The following MID1 variants were observed in gnomAD, a reference collection of about 807,000 sequenced individuals.
MID1 encodes E3 ubiquitin-protein ligase Midline-1.
Under a neutral mutation model 40.4 loss-of-function variants are expected in MID1, and 7 were observed. The ratio of observed to expected loss-of-function variants is 0.17; its 90% CI spans 0.10 to 0.33. The LOEUF is 0.33. Among genes scored for constraint, MID1 ranks in the 10% least tolerant of loss-of-function variants. MID1 has a pLI of 1.00. For synonymous variants in MID1, 229 were observed against 221.2 expected (o/e 1.04, Z -0.31); for missense variants, 367 against 558.5 (o/e 0.66, Z 3.46).
chrX:10,703,186 T>G (rs1248274872), intron 1 of MID1, among the ~76,000 whole-genome samples: 1 of 112,123 alleles, frequency 8.9e-6, no homozygotes, highest in Non-Finnish European at 1.9e-5. Context: ...ACAAAAAGTG[T>G]GCCAAGATTC....
At chrX:10,515,588 A>G (rs1034271099) in intron 3 of MID1, among the ~76,000 whole-genome samples, 3 of 112,558 alleles carry the variant, frequency 2.7e-5, no homozygotes, top group Non-Finnish European at 5.6e-5. Context: ...AAACAAGGCA[A>G]GATAAACCAA....
At chrX:10,641,127 A>G (rs1234589290) in intron 1 of MID1, among the ~76,000 whole-genome samples, 3 of 111,763 alleles carry the variant, frequency 2.7e-5, no homozygotes, top group African/African-American at 9.8e-5. Context: ...GAGCAAACAC[A>G]TTCAAAAGCT....
In MID1 at chrX:10,495,566, C is replaced by T; in HGVS notation, c.864+18G>A. On this transcript the variant is annotated intron_variant, in intron 4 of 9. Coordinates refer to ENST00000317552, the MANE Select transcript of MID1 (RefSeq NM_000381.4). ...CTCCAGGTAGAGAATATGAAATCTT[C>T]TGCCCTAGAAATCATACCTTCCCTT... is the stretch of plus-strand genomic sequence containing the variant. 1.8e-6 allele frequency: 2 copies of T among 1,115,378 alleles called. No homozygotes were observed. Among genetic ancestry groups the T allele is most frequent in the Non-Finnish European group, 2.5e-6 (2 of 808,118 alleles). The allele number at this position is 1,115,378 out of a possible 1,213,427, so 91.9% of individuals were successfully genotyped here. A position where few individuals can be genotyped will look rare whatever the true frequency, so the allele number is the denominator to read the frequency against.
intron 1 of MID1, among the ~76,000 whole-genome samples, chrX:10,720,978 C>T (rs2043349004): frequency 9.5e-6 from 1 of 104,797 alleles, no homozygotes; most frequent in African/African-American, 3.5e-5. Context: ...TGTTCTCACT[C>T]ATAGGTGGGA....
In MID1 at chrX:10,567,618, G is replaced by A. The variant is rs1025043181; in HGVS notation, c.-56-15C>T. 1.7e-6 allele frequency: 2 copies of A among 1,158,334 alleles called. No individual in the cohort carries two copies. The highest frequency in any genetic ancestry group is 3.6e-5 in the African/African-American group (2 of 56,248). On this transcript the variant is annotated splice_polypyrimidine_tract_variant and intron_variant, in intron 1 of 9. Coordinates refer to ENST00000317552, the MANE Select transcript of MID1 (RefSeq NM_000381.4). Reference sequence around the variant, plus strand: ...TGATCAGCTATCTGGAAACAAGAATGTAAGATTTGATTAGGCACAGGGAGG... The same window carrying A: ...TGATCAGCTATCTGGAAACAAGAATATAAGATTTGATTAGGCACAGGGAGG...
chrX:10,790,985 A>G (rs1419080520), intron 1 of MID1, among the ~76,000 whole-genome samples: 1 of 112,551 alleles, frequency 8.9e-6, no homozygotes, highest in Non-Finnish European at 1.9e-5. Flanking sequence ...TTTGCTAATG[A>G]CAGTTGAATG....
At chrX:10,465,212 T>TATATATATATAC (rs1556005709) in intron 7 of MID1, among the ~76,000 whole-genome samples, 1 of 56,048 alleles carries the variant, frequency 1.8e-5, no homozygotes, top group African/African-American at 1.1e-4. Context: ...TATATATATA[T>TATATATATATAC]ATACACACAC....
At chrX:10,450,131 C>G (rs1928240800) in intron 9 of MID1, among the ~76,000 whole-genome samples, 1 of 112,507 alleles carries the variant, frequency 8.9e-6, no homozygotes, top group Non-Finnish European at 1.9e-5. Context: ...CATATGGCTA[C>G]TGGGCACTTT....
chrX:10,634,399 T>C lies in MID1; in HGVS notation c.-186-13980A>G, dbSNP rs1459984738. On this transcript the variant is annotated intron_variant, in intron 1 of 10. Coordinates refer to the MID1 transcript ENST00000380785. ...AAAGTTTTTAAAAAGCCCCTTCTCCTGAACCATGCCTCTAGTTAAATTTAA... is the reference window on the plus strand; with the variant it reads ...AAAGTTTTTAAAAAGCCCCTTCTCCCGAACCATGCCTCTAGTTAAATTTAA... Among the ~76,000 whole-genome samples the C allele has an allele frequency of 2.7e-5, 3 of 111,994 alleles. 1 individual carries two copies. Among genetic ancestry groups the C allele is most frequent in the Middle Eastern group, 4.2e-3 (1 of 238 alleles).
intron 7 of MID1, among the ~76,000 whole-genome samples, chrX:10,467,289 T>G (rs942098455): frequency 2.7e-5 from 3 of 111,911 alleles, no homozygotes; most frequent in African/African-American, 9.7e-5. Context: ...TATTTCTTTA[T>G]GATTTGCAGT....
intron 1 of MID1, among the ~76,000 whole-genome samples, chrX:10,593,435 C>T (rs1324419001): frequency 9.0e-6 from 1 of 111,321 alleles, no homozygotes; most frequent in Admixed American, 9.5e-5. Flanking sequence ...CTTGGGCTCC[C>T]CATTCCAATT....
At chrX:10,636,269 T>C (rs897033747) in intron 1 of MID1, among the ~76,000 whole-genome samples, 4 of 112,083 alleles carry the variant, frequency 3.6e-5, no homozygotes, top group African/African-American at 1.3e-4. Context: ...GAAAGCACTT[T>C]CTCTTTCCAC....
chrX:10,640,244 C>A (rs200638779), intron 1 of MID1, among the ~76,000 whole-genome samples: 4 of 107,689 alleles, frequency 3.7e-5, no homozygotes, highest in Admixed American at 9.8e-5. Context: ...AGTCAAGACC[C>A]ATCAGTGTGC....
chrX:10,640,934 G>T, intron 1 of MID1, among the ~76,000 whole-genome samples: 1 of 112,074 alleles, frequency 8.9e-6, no homozygotes, highest in East Asian at 2.8e-4. Context: ...ATAACGAAAT[G>T]AAGGCAGAAA....
At chrX:10,633,739 C>T (rs1936078227) in intron 1 of MID1, among the ~76,000 whole-genome samples, 1 of 112,160 alleles carries the variant, frequency 8.9e-6, no homozygotes, top group Admixed American at 9.5e-5. Flanking sequence ...CAGGCTAGAG[C>T]TTCCAAACAC....
intron 1 of MID1, among the ~76,000 whole-genome samples, chrX:10,641,843 G>T (rs983637975): frequency 9.0e-6 from 1 of 111,679 alleles, no homozygotes; most frequent in Non-Finnish European, 1.9e-5. Flanking sequence ...TCATCCCTGG[G>T]ATGCAAGGCT....
At chrX:10,762,058 A>G in intron 1 of MID1, among the ~76,000 whole-genome samples, 1 of 111,990 alleles carries the variant, frequency 8.9e-6, no homozygotes, top group South Asian at 3.8e-4. Flanking sequence ...TCTGTAAAAC[A>G]ATAATTACAA....
chrX:10,531,170 A>G (rs979304924), intron 2 of MID1, among the ~76,000 whole-genome samples: 4 of 111,591 alleles, frequency 3.6e-5, no homozygotes, highest in African/African-American at 1.3e-4. Context: ...GCCACGACCC[A>G]TATATTTTCT....
rs929901620 is a variant in MID1 at position 10,660,541 on chromosome X, G to A, written c.-186-40122C>T. On this transcript the variant is annotated intron_variant, in intron 1 of 10. Transcript: ENST00000380785. Reference sequence around the variant, plus strand: ...TGAGATCTCCACATCTTTCAGAATCGATTCTGCAGGGGAAAAAGAATACAC... The same window carrying A: ...TGAGATCTCCACATCTTTCAGAATCAATTCTGCAGGGGAAAAAGAATACAC... 8.0e-5 allele frequency among the ~76,000 whole-genome samples: 9 copies of A among 112,485 alleles called. No individual in the cohort carries two copies. In the South Asian group the frequency reaches 2.2e-3, roughly 28 times the overall value.
Sources: allele counts gnomAD v4.1 joint callset (sites outside exome capture counted in the v4.1 genomes callset), GRCh38; gene constraint gnomAD v4.1.1; transcripts MANE v1.5; gene names NCBI Gene and HGNC (gene_info 2026-07-23, HGNC 2026-07-21).